The following RAB31 variants were observed in gnomAD, a reference collection of about 807,000 sequenced individuals.
RAB31 encodes RAB31, member RAS oncogene family, also known as ras-related protein Rab-31.
In RAB31, 21 loss-of-function variants were observed where a neutral mutation model predicts 25.6. The observed-to-expected ratio is 0.82, with a 90% CI of 0.58 to 1.18. The LOEUF is 1.18. Among genes scored for constraint, RAB31 ranks in the 50% most tolerant of loss-of-function variants. The pLI, the probability that RAB31 is intolerant of heterozygous loss-of-function variation, is 0.00. For synonymous variants in RAB31, 87 were observed against 84.0 expected (o/e 1.04, Z -0.20); for missense variants, 196 against 250.1 (o/e 0.78, Z 1.46).
chr18:9,756,327 A>G (rs1336267715), intron 1 of RAB31, among the ~76,000 whole-genome samples: 2 of 152,224 alleles, frequency 1.3e-5, no homozygotes, highest in Non-Finnish European at 2.9e-5. Flanking sequence ...TCAGGAAAGC[A>G]GGTAAGTTGT....
chr18:9,835,134 G>A (rs2068697639), intron 5 of RAB31, among the ~76,000 whole-genome samples: 1 of 152,144 alleles, frequency 6.6e-6, no homozygotes, highest in African/African-American at 2.4e-5. Flanking sequence ...TCGATCCTAG[G>A]TCCTGTAGCT....
At chr18:9,794,366 C>A (rs762083497) in intron 3 of RAB31, among the ~76,000 whole-genome samples, 31 of 152,264 alleles carry the variant, frequency 2.0e-4, no homozygotes, top group Non-Finnish European at 4.0e-4. Context: ...TAGATTAAAA[C>A]ATTTTAAAAA....
chr18:9,717,607 G>T (rs2068051170), intron 1 of RAB31, among the ~76,000 whole-genome samples: 1 of 152,102 alleles, frequency 6.6e-6, no homozygotes, highest in Non-Finnish European at 1.5e-5. Context: ...TCCTAACTAG[G>T]ATCTGCAAAT....
chr18:9,724,750 T>C (rs1568162741), intron 1 of RAB31, among the ~76,000 whole-genome samples: 1 of 152,174 alleles, frequency 6.6e-6, no homozygotes, highest in Non-Finnish European at 1.5e-5. Flanking sequence ...TGTTCTAGTG[T>C]TTGAAAAAGG....
At position 9,799,083 on chromosome 18, in the gene RAB31, C is replaced by CA. The variant is rs536550997; in HGVS notation, c.201+6858dup. 9.7e-3 allele frequency among the ~76,000 whole-genome samples: 1,459 copies of CA among 150,144 alleles called. 25 individuals are homozygous for CA. Among genetic ancestry groups the CA allele is most frequent in the African/African-American group, 0.034 (1,377 of 41,074 alleles). On this transcript the variant is annotated intron_variant, in intron 3 of 6. Coordinates refer to ENST00000578921, the MANE Select transcript of RAB31 (RefSeq NM_006868.4). ...TGGGTGAAAGAGCAAGACTCCACCT[C>CA]AAAAAAAAAATTTGTTAGAGATGAG...
intron 1 of RAB31, 49 bp from the exon 2 acceptor site, chr18:9,775,229 G>C (rs755991098): frequency 6.2e-7 from 1 of 1,612,266 alleles, no homozygotes; most frequent in Non-Finnish European, 8.5e-7. Context: ...CTCACAACCT[G>C]TGAGTTGCCG....
At chr18:9,770,275 C>T (rs112181744) in intron 1 of RAB31, among the ~76,000 whole-genome samples, 1,798 of 152,236 alleles carry the variant, frequency 0.012, 25 homozygotes, top group Non-Finnish European at 0.016. Flanking sequence ...AGCAGCTCCT[C>T]CTTGTAGTGG....
intron 1 of RAB31, among the ~76,000 whole-genome samples, chr18:9,759,485 TA>T (rs139313179): frequency 0.21 from 32,201 of 151,556 alleles, 3,489 homozygotes; most frequent in Middle Eastern, 0.33. Flanking sequence ...TAGTAGATCT[TA>T]AAACTATTTA....
intron 1 of RAB31, among the ~76,000 whole-genome samples, chr18:9,758,908 A>G (rs928193764): frequency 6.6e-6 from 1 of 152,148 alleles, no homozygotes; most frequent in African/African-American, 2.4e-5. Flanking sequence ...ACCGCAAGAC[A>G]GTGTAACTGA....
intron 1 of RAB31, among the ~76,000 whole-genome samples, chr18:9,718,361 G>A (rs2068054681): frequency 6.6e-6 from 1 of 152,190 alleles, no homozygotes; most frequent in Admixed American, 6.5e-5. Flanking sequence ...CTGGGTTCAA[G>A]CAGTTCTCTT....
intron 1 of RAB31, among the ~76,000 whole-genome samples, chr18:9,752,701 C>A (rs2145479274): frequency 6.6e-6 from 1 of 152,286 alleles, no homozygotes; most frequent in South Asian, 2.1e-4. Context: ...TTTATATATT[C>A]TATGATACTT....
At chr18:9,726,679 AG>A (rs1282551355) in intron 1 of RAB31, among the ~76,000 whole-genome samples, 1 of 152,176 alleles carries the variant, frequency 6.6e-6, no homozygotes, top group African/African-American at 2.4e-5. Context: ...AAAGGTGCTG[AG>A]TAATAGCTTT....
intron 1 of RAB31, among the ~76,000 whole-genome samples, chr18:9,765,789 G>C (rs911553570): frequency 1.3e-4 from 20 of 152,128 alleles, no homozygotes; most frequent in African/African-American, 4.8e-4. Flanking sequence ...GGAGTTCACT[G>C]GTAGTTTGAG....
At chr18:9,837,025 G>C (rs1253208186) in intron 5 of RAB31, among the ~76,000 whole-genome samples, 3 of 151,338 alleles carry the variant, frequency 2.0e-5, no homozygotes, top group Non-Finnish European at 2.9e-5. Flanking sequence ...TGTGGAATGG[G>C]GTGAAACATG....
intron 5 of RAB31, among the ~76,000 whole-genome samples, chr18:9,839,091 A>G (rs2068719388): frequency 6.6e-6 from 1 of 152,218 alleles, no homozygotes; most frequent in African/African-American, 2.4e-5. Flanking sequence ...GAAGACATCC[A>G]CAGCCTGTTT....
chr18:9,722,186 A>G (rs752549881), intron 1 of RAB31, among the ~76,000 whole-genome samples: 6 of 152,144 alleles, frequency 3.9e-5, no homozygotes, highest in African/African-American at 9.7e-5. Context: ...CCTTGGAATC[A>G]AGTGAGAGAG....
intron 1 of RAB31, among the ~76,000 whole-genome samples, chr18:9,732,302 A>C (rs549958632): frequency 2.0e-5 from 3 of 151,960 alleles, no homozygotes; most frequent in Admixed American, 2.0e-4. Context: ...CAGGGGTTTC[A>C]TCAGAGCCCT....
chr18:9,841,500 C>G (rs1363633918), intron 5 of RAB31, among the ~76,000 whole-genome samples: 7 of 143,228 alleles, frequency 4.9e-5, no homozygotes, highest in African/African-American at 1.8e-4. Flanking sequence ...GATGGCGCCA[C>G]TGCACTCCAG....
At position 9,805,141 on chromosome 18, in the gene RAB31, A is replaced by G. The variant is rs111594559; in HGVS notation, c.202-8879A>G. ...TGTGGTGACATGCAGCTGTAGTCCC[A>G]GCTACTCAGGAGACCGAGACAGGAG... On this transcript the variant is annotated intron_variant, in intron 3 of 6. Transcript: ENST00000578921. 3.5e-3 allele frequency among the ~76,000 whole-genome samples: 533 copies of G among 152,116 alleles called. 6 individuals carry two copies. Among genetic ancestry groups the G allele is most frequent in the African/African-American group, 0.012 (506 of 41,484 alleles).
Sources: allele counts gnomAD v4.1 joint callset (sites outside exome capture counted in the v4.1 genomes callset), GRCh38; gene constraint gnomAD v4.1.1; transcripts MANE v1.5; gene names NCBI Gene and HGNC (gene_info 2026-07-23, HGNC 2026-07-21).